DLG2: variants seen among roughly 807,000 people sequenced by gnomAD.
DLG2 encodes the protein discs large MAGUK scaffold protein 2.
In DLG2, 45 loss-of-function variants were observed where a neutral mutation model predicts 132.5. The ratio of observed to expected loss-of-function variants is 0.34; its 90% CI spans 0.27 to 0.44. The LOEUF (loss-of-function observed/expected upper bound fraction) is 0.44, where lower values mean the gene tolerates loss of function less well. Among genes scored for constraint, DLG2 ranks in the 20% least tolerant of loss-of-function variants. The pLI is 1.00. For missense variants in DLG2, 1,045 were observed against 1,196.9 expected (o/e 0.87, Z 1.87); for synonymous variants, 424 against 419.6 (o/e 1.01, Z -0.13).
chr11:83,643,936 A>C (rs2067344314), intron 18 of DLG2, among the ~76,000 whole-genome samples: 1 of 151,786 alleles, frequency 6.6e-6, no homozygotes, highest in Non-Finnish European at 1.5e-5. Context: ...TGGCTGTCTC[A>C]GACTTGTTTG....
At chr11:85,494,992 C>A (rs551236844) in intron 3 of DLG2, among the ~76,000 whole-genome samples, 2 of 152,002 alleles carry the variant, frequency 1.3e-5, no homozygotes, top group Non-Finnish European at 2.9e-5. Flanking sequence ...AAGTCCCACA[C>A]ATCAATAAGG....
chr11:84,936,946 G>C (rs2048819051), intron 6 of DLG2, among the ~76,000 whole-genome samples: 1 of 152,010 alleles, frequency 6.6e-6, no homozygotes, highest in African/African-American at 2.4e-5. Flanking sequence ...TGAGGTCCGG[G>C]GTTTGAGACC....
chr11:84,574,942 A>T (rs1000956445), intron 6 of DLG2, among the ~76,000 whole-genome samples: 1 of 151,978 alleles, frequency 6.6e-6, no homozygotes, highest in Non-Finnish European at 1.5e-5. Context: ...TTATCCAACT[A>T]CACCCTGTCA....
At chr11:84,205,628 T>TA (rs1360528968) in intron 8 of DLG2, among the ~76,000 whole-genome samples, 1 of 151,188 alleles carries the variant, frequency 6.6e-6, no homozygotes, top group Non-Finnish European at 1.5e-5. Flanking sequence ...ATAAAGAAAA[T>TA]AAAAAATATT....
At chr11:83,823,530 T>G (rs2051474797) in intron 17 of DLG2, among the ~76,000 whole-genome samples, 1 of 152,138 alleles carries the variant, frequency 6.6e-6, no homozygotes, top group Non-Finnish European at 1.5e-5. Context: ...TCTAAAAGCT[T>G]TAATGTATTC....
intron 6 of DLG2, among the ~76,000 whole-genome samples, chr11:85,090,994 C>G (rs1464403607): frequency 6.6e-6 from 1 of 152,064 alleles, no homozygotes; most frequent in Non-Finnish European, 1.5e-5. Flanking sequence ...CAGGGTGGTG[C>G]CATGTTCTCT....
At chr11:83,492,911 G>T (rs2093940128) in intron 21 of DLG2, among the ~76,000 whole-genome samples, 1 of 151,998 alleles carries the variant, frequency 6.6e-6, no homozygotes, top group Non-Finnish European at 1.5e-5. Flanking sequence ...AGCAGCCAGG[G>T]TGATCATTTA....
chr11:85,494,045 T>C (rs1403260386), intron 3 of DLG2, among the ~76,000 whole-genome samples: 1 of 151,860 alleles, frequency 6.6e-6, no homozygotes, highest in Non-Finnish European at 1.5e-5. Flanking sequence ...GAAAGAAGGG[T>C]AACAGAGTGC....
chr11:85,257,287 G>T (rs892902843), intron 4 of DLG2, among the ~76,000 whole-genome samples: 3 of 152,312 alleles, frequency 2.0e-5, no homozygotes, highest in African/African-American at 7.2e-5. Context: ...CCTCTGAGGG[G>T]TAATATTTCT....
At chr11:85,453,132 GC>G in intron 3 of DLG2, 1 of 258,696 alleles carries the variant, frequency 3.9e-6, no homozygotes. Flanking sequence ...AGTGCATTAT[GC>G]CCTTCATGGT....
At chr11:85,258,084 TC>T (rs2076758270) in intron 4 of DLG2, among the ~76,000 whole-genome samples, 1 of 152,174 alleles carries the variant, frequency 6.6e-6, no homozygotes, top group Non-Finnish European at 1.5e-5. Flanking sequence ...GGCTTCCTCT[TC>T]CTTTTAAGCA....
chr11:84,475,294 C>A (rs1048125285), intron 7 of DLG2, among the ~76,000 whole-genome samples: 39 of 152,032 alleles, frequency 2.6e-4, no homozygotes, highest in African/African-American at 8.2e-4. Flanking sequence ...TAAAATGTTT[C>A]TGTCTTCCAA....
At chr11:85,114,677 T>C (rs2073287639) in intron 5 of DLG2, among the ~76,000 whole-genome samples, 1 of 151,994 alleles carries the variant, frequency 6.6e-6, no homozygotes, top group South Asian at 2.1e-4. Flanking sequence ...ACATATTTCA[T>C]TCCAGAATAT....
chr11:84,462,948 G>A (rs2099084428), intron 7 of DLG2, among the ~76,000 whole-genome samples: 1 of 151,214 alleles, frequency 6.6e-6, no homozygotes, highest in Non-Finnish European at 1.5e-5. Flanking sequence ...CAACGTAAGA[G>A]CTAGCTTTCG....
intron 3 of DLG2, among the ~76,000 whole-genome samples, chr11:85,538,766 C>T (rs894607692): frequency 6.6e-6 from 1 of 151,784 alleles, no homozygotes; most frequent in South Asian, 2.1e-4. Context: ...TGCATGTTCT[C>T]ACTCATAAAT....
At position 85,318,337 on chromosome 11, in the gene DLG2, T is replaced by C. The variant is rs558434089; in HGVS notation, c.41-32972A>G. On this transcript the variant is annotated intron_variant, in intron 3 of 27. Transcript: ENST00000376104. Reference sequence around the variant, plus strand: ...TCTCCAGAAATTGCACTTTGAGAACTAGAGGCTCCTGATCAATGTTTATCA... The same window carrying C: ...TCTCCAGAAATTGCACTTTGAGAACCAGAGGCTCCTGATCAATGTTTATCA... Among the ~76,000 whole-genome samples, 5 of 151,940 alleles carry C rather than the reference T, an allele frequency of 3.3e-5. No individual in the cohort carries two copies. In the East Asian group the frequency reaches 9.7e-4, roughly 29 times the overall value.
Position 83,469,410 on chromosome 11 carries a change from T to A in DLG2, c.2447-37A>T, listed in dbSNP as rs1180720600. On this transcript the variant is annotated intron_variant, in intron 24 of 27. Transcript: ENST00000376104. Reference sequence around the variant, plus strand: ...AAAAAATGATAAAATTAAGGTGCATTTATACCCATAAACTTGCTTTACACC... The same window carrying A: ...AAAAAATGATAAAATTAAGGTGCATATATACCCATAAACTTGCTTTACACC... 1.9e-6 allele frequency: 3 copies of A among 1,554,242 alleles called. No homozygotes were observed. In the Admixed American group the frequency reaches 5.5e-5, roughly 28 times the overall value.
In DLG2 at chr11:84,563,016, T is replaced by A. The variant is rs371882124; in HGVS notation, c.358-28285A>T. On this transcript the variant is annotated intron_variant, in intron 6 of 27. Coordinates refer to ENST00000376104, the MANE Select transcript of DLG2 (RefSeq NM_001142699.3). ...ATCCTCTCGCCTCAGCCTCCCAAAA[T>A]GCTGTGATTACCAACTTTTATAAAA... Among the ~76,000 whole-genome samples the A allele has an allele frequency of 4.6e-5, 7 of 152,296 alleles. No individual in the cohort carries two copies. The East Asian group carries it at 5.8e-4, about 13-fold the overall frequency.
intron 7 of DLG2, among the ~76,000 whole-genome samples, chr11:84,442,149 T>C (rs1340102205): frequency 6.6e-6 from 1 of 152,222 alleles, no homozygotes; most frequent in Non-Finnish European, 1.5e-5. Context: ...TTTCTGATTC[T>C]GTGAAGAAAG....
Sources: gnomAD v4.1 joint callset for allele counts (sites outside exome capture counted in the v4.1 genomes callset) on GRCh38, gnomAD v4.1.1 for gene constraint, MANE v1.5 for transcripts, NCBI Gene and HGNC (gene_info 2026-07-23, HGNC 2026-07-21) for gene names.